Variants in MYLK observed in about 807,000 individuals in gnomAD.
MYLK encodes myosin light chain kinase.
Under a neutral mutation model 203.4 loss-of-function variants are expected in MYLK, and 106 were observed. The ratio of observed to expected loss-of-function variants is 0.52; its 90% CI spans 0.45 to 0.61. MYLK has a LOEUF of 0.61. Among genes scored for constraint, MYLK ranks in the 20% least tolerant of loss-of-function variants. The probability of loss-of-function intolerance (pLI) is 0.00; values close to 1 mark genes in which losing one functional copy is unlikely to be tolerated. For missense variants in MYLK, 2,072 were observed against 2,442.3 expected (o/e 0.85, Z 3.20); for synonymous variants, 867 against 959.5 (o/e 0.90, Z 1.78).
Position 123,649,025 on chromosome 3 carries a change from A to G in MYLK, c.4361T>C (p.Ile1454Thr). The G allele has an allele frequency of 6.2e-7, 1 of 1,614,070 alleles. No individual in the cohort carries two copies. The highest frequency in any genetic ancestry group is 8.5e-7 in the Non-Finnish European group (1 of 1,179,994). ...EPEVDYRTVT[I>T]NTEQKVSDFY... ...GTCAGATACTTTTTGTTCAGTATTG[A>G]TTGTCACTGTCCGGTAATCAACCTC... The change falls in exon 26 of 34, where the codon ATC becomes ACC. Residue 1454 changes from isoleucine to threonine, a missense_variant. By Grantham distance (89) the Ile-to-Thr change is moderately conservative. Around this residue, in one of 3 missense-constraint regions of MYLK, gnomAD observed 524 missense variants for 782.4 expected, o/e 0.67. Transcript: ENST00000360304.
At chr3:123,861,155 A>T (rs1275212427) in intron 2 of MYLK, among the ~76,000 whole-genome samples, 1 of 152,154 alleles carries the variant, frequency 6.6e-6, no homozygotes, top group Non-Finnish European at 1.5e-5. Flanking sequence ...AACAAAAAAA[A>T]AAAACTGATT....
intron 3 of MYLK, among the ~76,000 whole-genome samples, chr3:123,815,073 A>AT (rs2065702884): frequency 6.6e-6 from 1 of 152,194 alleles, no homozygotes; most frequent in African/African-American, 2.4e-5. Flanking sequence ...GATTACAGGC[A>AT]TGAGCCACCA....
intron 23 of MYLK, among the ~76,000 whole-genome samples, chr3:123,660,366 C>G (rs2059525136): frequency 6.6e-6 from 1 of 152,142 alleles, no homozygotes; most frequent in South Asian, 2.1e-4. Context: ...TTGGGGTTCT[C>G]TCTACTTTGT....
At chr3:123,734,758 G>C (rs2062616317) in intron 9 of MYLK, 2 of 159,570 alleles carry the variant, frequency 1.3e-5, no homozygotes, top group African/African-American at 2.4e-5. Context: ...GGTCCCCATG[G>C]GCCCATCTCT....
At chr3:123,634,330 G>A (rs920751862) in intron 29 of MYLK, among the ~76,000 whole-genome samples, 1 of 152,230 alleles carries the variant, frequency 6.6e-6, no homozygotes, top group African/African-American at 2.4e-5. Flanking sequence ...AGCCCCAGGT[G>A]GGGAAGGCAG....
chr3:123,780,387 T>C (rs1042600862), intron 4 of MYLK, among the ~76,000 whole-genome samples: 1 of 152,166 alleles, frequency 6.6e-6, no homozygotes, highest in African/African-American at 2.4e-5. Context: ...TGAGCCGAGA[T>C]TGCGCCACTG....
intron 11 of MYLK, among the ~76,000 whole-genome samples, chr3:123,729,944 A>T (rs149963362): frequency 9.4e-4 from 143 of 151,870 alleles, no homozygotes; most frequent in Middle Eastern, 3.4e-3. Flanking sequence ...AATAGAAAAC[A>T]GGCTGAGTGC....
chr3:123,756,045 T>C (rs1242647860), intron 4 of MYLK, among the ~76,000 whole-genome samples: 1 of 152,114 alleles, frequency 6.6e-6, no homozygotes, highest in South Asian at 2.1e-4. Flanking sequence ...ACTGGGCCCA[T>C]GTAGCCTAGA....
chr3:123,706,313 G>A (rs2061460163), intron 16 of MYLK, among the ~76,000 whole-genome samples: 1 of 152,204 alleles, frequency 6.6e-6, no homozygotes, highest in African/African-American at 2.4e-5. Flanking sequence ...TGGTCACAAA[G>A]GACCTAAGGG....
At chr3:123,628,094 G>T (rs1309160754) in intron 30 of MYLK, among the ~76,000 whole-genome samples, 1 of 152,184 alleles carries the variant, frequency 6.6e-6, no homozygotes, top group Non-Finnish European at 1.5e-5. Context: ...ACTTCCCACA[G>T]TATCTCAGTT....
At chr3:123,822,314 T>A (rs1382823990) in intron 3 of MYLK, among the ~76,000 whole-genome samples, 1 of 152,168 alleles carries the variant, frequency 6.6e-6, no homozygotes, top group Non-Finnish European at 1.5e-5. Flanking sequence ...GCCTGGGTAC[T>A]CCTCATCAAT....
chr3:123,875,554 T>C (rs987215209), intron 2 of MYLK, among the ~76,000 whole-genome samples: 6 of 152,212 alleles, frequency 3.9e-5, no homozygotes, highest in Non-Finnish European at 7.4e-5. Context: ...TATATGACTA[T>C]ATATACATTT....
intron 19 of MYLK, among the ~76,000 whole-genome samples, chr3:123,686,369 C>CA (rs1576550898): frequency 2.5e-5 from 1 of 40,360 alleles, no homozygotes; most frequent in Non-Finnish European, 1.3e-4. Context: ...CTCTGGGCAG[C>CA]GTTTTTTTTT....
intron 11 of MYLK, among the ~76,000 whole-genome samples, chr3:123,727,567 C>G (rs1374123966): frequency 6.6e-6 from 1 of 152,060 alleles, no homozygotes; most frequent in African/African-American, 2.4e-5. Flanking sequence ...TAGCACAAAA[C>G]CCAGCATAGC....
intron 2 of MYLK, among the ~76,000 whole-genome samples, chr3:123,837,787 G>C (rs1218765663): frequency 6.6e-6 from 1 of 151,670 alleles, no homozygotes; most frequent in Admixed American, 6.6e-5. Context: ...GGCTTCAACA[G>C]GCTCACAAGC....
At chr3:123,806,724 G>A (rs138165636) in intron 3 of MYLK, among the ~76,000 whole-genome samples, 3 of 152,118 alleles carry the variant, frequency 2.0e-5, no homozygotes, top group Admixed American at 6.5e-5. Context: ...GTACAATGGC[G>A]TGATCTCGGC....
chr3:123,697,591 C>T lies in MYLK; in HGVS notation c.3448+2429G>A, dbSNP rs1173932035. Among the ~76,000 whole-genome samples the T allele has an allele frequency of 5.3e-5, 8 of 152,134 alleles. No individual in the cohort carries two copies. In the South Asian group the frequency reaches 1.5e-3, roughly 28 times the overall value. ...CTGAGTTCAAATCCCAGCTCTGTTA[C>T]CCCCAGCACCTTGCATTTGGCAAGG... On this transcript the variant is annotated intron_variant, in intron 18 of 33. Coordinates refer to ENST00000360304, the MANE Select transcript of MYLK (RefSeq NM_053025.4).
Position 123,726,098 on chromosome 3 carries a change from G to A in MYLK, c.1517-20C>T. 6.2e-7 allele frequency: 1 copy of A among 1,613,960 alleles called. No homozygotes were observed. The highest frequency in any genetic ancestry group is 8.5e-7 in the Non-Finnish European group (1 of 1,179,976). On this transcript the variant is annotated intron_variant, in intron 11 of 33. Coordinates refer to ENST00000360304, the MANE Select transcript of MYLK (RefSeq NM_053025.4). ...CAAGCCCTGTGAGGGAAAAGGACAG[G>A]TCAGCTCAGATCACAGCTTGCCCAC...
chr3:123,798,860 G>A (rs2065085681), intron 3 of MYLK, among the ~76,000 whole-genome samples: 2 of 151,996 alleles, frequency 1.3e-5, no homozygotes, highest in Non-Finnish European at 2.9e-5. Context: ...AATGGTTACT[G>A]ACATATGTGG....
Sources: allele counts gnomAD v4.1 joint callset (sites outside exome capture counted in the v4.1 genomes callset), GRCh38; gene constraint gnomAD v4.1.1; regional missense constraint gnomAD v4.1.1; transcripts MANE v1.5; gene names NCBI Gene and HGNC (gene_info 2026-07-23, HGNC 2026-07-21).